QSOX1: variants seen among roughly 807,000 people sequenced by gnomAD.
QSOX1 encodes sulfhydryl oxidase 1.
In QSOX1, 40 loss-of-function variants were observed where a neutral mutation model predicts 76.1. The observed-to-expected ratio is 0.53, with a 90% CI of 0.41 to 0.68. The LOEUF (loss-of-function observed/expected upper bound fraction) is 0.68, where lower values mean the gene tolerates loss of function less well. Among genes scored for constraint, QSOX1 ranks in the 30% least tolerant of loss-of-function variants. The pLI is 0.00. For synonymous variants in QSOX1, 392 were observed against 413.1 expected, an observed-to-expected ratio of 0.95 and a Z score of 0.62; for missense variants, 931 against 974.3, an observed-to-expected ratio of 0.96 and a Z score of 0.59.
intron 10 of QSOX1, among the ~76,000 whole-genome samples, chr1:180,192,828 G>A (rs1191812218): frequency 6.6e-6 from 1 of 152,170 alleles, no homozygotes; most frequent in African/African-American, 2.4e-5. Context: ...CAAGCTGTGG[G>A]ACTGGATGAG....
chr1:180,155,750 T>TAG (rs767524851), intron 1 of QSOX1, among the ~76,000 whole-genome samples: 4 of 152,218 alleles, frequency 2.6e-5, no homozygotes, highest in African/African-American at 9.6e-5. Context: ...ACCTGGCAGT[T>TAG]TTCCTATCTC....
At chr1:180,165,559 C>T (rs1159519923) in intron 1 of QSOX1, among the ~76,000 whole-genome samples, 1 of 152,274 alleles carries the variant, frequency 6.6e-6, no homozygotes, top group Non-Finnish European at 1.5e-5. Context: ...TCCACCTTTC[C>T]TGCTGAGCCC....
Position 180,197,553 on chromosome 1 carries a change from C to T in QSOX1, c.*516C>T. The T allele has an allele frequency of 1.8e-5, 12 of 680,288 alleles. No individual in the cohort carries two copies. Among genetic ancestry groups the T allele is most frequent in the Non-Finnish European group, 2.7e-5 (11 of 410,946 alleles). The allele number at this position is 680,288 out of a possible 1,614,324, so 42.1% of individuals were successfully genotyped here. A position where few individuals can be genotyped will look rare whatever the true frequency, so the allele number is the denominator to read the frequency against. On this transcript the variant is annotated 3_prime_UTR_variant, in exon 12 of 12. Coordinates refer to ENST00000367602, the MANE Select transcript of QSOX1 (RefSeq NM_002826.5). The stretch of plus-strand genomic sequence containing the variant: ...AAGGACCACCCCGGGCCCTCTATGC[C>T]TGGCCAGCCTCCAGCTCCTCAGACC...
chr1:180,155,834 G>T (rs61429245), intron 1 of QSOX1, among the ~76,000 whole-genome samples: 5 of 152,020 alleles, frequency 3.3e-5, no homozygotes, highest in Non-Finnish European at 7.4e-5. Flanking sequence ...CTCTTCCCCC[G>T]CTCAGACCCT....
chr1:180,196,475 C>T lies in QSOX1; in HGVS notation c.1682C>T (p.Ala561Val). The change falls in exon 12 of 12, where the codon GCC becomes GTC. Residue 561 changes from alanine (A) to valine (V), a missense_variant. Transcript: ENST00000367602. The surrounding 1 kb of genome is among the most constrained non-coding windows in gnomAD (Gnocchi z 4.1). ...ARRDVQNVAA[A>V]PELAMGALEL... ...AGGGATGTGCAGAATGTGGCAGCCG[C>T]CCCAGAGCTGGCGATGGGAGCCCTG... 6.2e-7 allele frequency: 1 copy of T among 1,613,970 alleles called. No individual in the cohort carries two copies.
intron 9 of QSOX1, 126 bp downstream of exon 9, chr1:180,189,800 C>CCTCGAAGATCA: frequency 9.2e-7 from 1 of 1,083,602 alleles, no homozygotes; most frequent in South Asian, 1.6e-5. Context: ...TTCGTTGGGT[C>CCTCGAAGATCA]CTAACAATAA....
chr1:180,196,810 C>T lies in QSOX1; in HGVS notation c.2017C>T (p.Arg673Cys), dbSNP rs772379731. 13 of 1,612,284 alleles carry T rather than the reference C, an allele frequency of 8.1e-6. No homozygotes were observed. Among genetic ancestry groups the T allele is most frequent in the Non-Finnish European group, 8.5e-7 (1 of 1,178,728 alleles). Residue 673 changes from arginine (R) to cysteine (C), a missense_variant, in exon 12 of 12, where the codon CGC becomes TGC. By Grantham distance (180) the Arg-to-Cys change is radical. Transcript: ENST00000367602. This position sits in a 1 kb window ranked among gnomAD's most constrained non-coding sequence, Gnocchi z 4.1. ...WGPLEVRRVG[R>C]SSKQLVDIPE... is the part of the protein sequence containing the mutation. The stretch of plus-strand genomic sequence containing the variant: ...CCCTTTGGAGGTCAGGCGCGTGGGC[C>T]GCAGCTCCAAGCAGCTGGTCGACAT...
intron 10 of QSOX1, among the ~76,000 whole-genome samples, chr1:180,192,854 G>GTA (rs1395539500): frequency 2.4e-4 from 37 of 152,280 alleles, no homozygotes; most frequent in African/African-American, 8.7e-4. Flanking sequence ...TGGCAGGGAG[G>GTA]TAGAGAAGAG....
chr1:180,197,338 T>G lies in QSOX1; in HGVS notation c.*301T>G, dbSNP rs764299695. 4 of 1,614,018 alleles carry G rather than the reference T, an allele frequency of 2.5e-6. No homozygotes were observed. In the East Asian group the frequency reaches 8.9e-5, roughly 36 times the overall value. ...ACCACATTCCTGTTTTTCAGCTTAT[T>G]TGAAGTCCTGCCTCATTCTCACTGG... is the stretch of plus-strand genomic sequence containing the variant. On this transcript the variant is annotated 3_prime_UTR_variant, in exon 12 of 12. Transcript: ENST00000367602.
In QSOX1 at chr1:180,182,167, C is replaced by T; in HGVS notation, c.607-7C>T. ...CCTGGCCCCCAGATGTTCTGCTGTC[C>T]CTGCAGGTGGCTCTGGACCTGTCCC... On this transcript the variant is annotated splice_region_variant and splice_polypyrimidine_tract_variant and intron_variant, in intron 5 of 11. Coordinates refer to ENST00000367602, the MANE Select transcript of QSOX1 (RefSeq NM_002826.5). 4 of 1,613,846 alleles carry T rather than the reference C, an allele frequency of 2.5e-6. No homozygotes were observed. Among genetic ancestry groups the T allele is most frequent in the Non-Finnish European group, 2.5e-6 (3 of 1,179,774 alleles).
In QSOX1 at chr1:180,190,547, G is replaced by A; in HGVS notation, c.1255G>A (p.Ala419Thr). The change falls in exon 10 of 12, where the codon GCT becomes ACT. Residue 419 changes from alanine (A) to threonine (T), a missense_variant. Coordinates refer to ENST00000367602, the MANE Select transcript of QSOX1 (RefSeq NM_002826.5). ...CTTCCACTTCTTGACTGTGCAGGCAGCTCGGCAAAATGTAGACCACTCACA... is the reference window on the plus strand; with the variant it reads ...CTTCCACTTCTTGACTGTGCAGGCAACTCGGCAAAATGTAGACCACTCACA... Reference protein sequence around the residue: ...VLFHFLTVQAARQNVDHSQEA... With the variant: ...VLFHFLTVQATRQNVDHSQEA... The A allele has an allele frequency of 6.2e-7, 1 of 1,614,148 alleles. No homozygotes were observed. Among genetic ancestry groups the A allele is most frequent in the Middle Eastern group, 1.7e-4 (1 of 6,060 alleles).
rs368869048 is a variant in QSOX1, at chr1:180,196,531, C to T, written c.1738C>T (p.Pro580Ser). 3.1e-6 allele frequency: 5 copies of T among 1,614,022 alleles called. No individual in the cohort carries two copies. The highest frequency in any genetic ancestry group is 3.3e-5 in the Admixed American group (2 of 59,996). ...GGAAAGCCGGAATTCAACTCTGGAC[C>T]CTGGGAAGCCTGAGATGATGAAGTC... ...ELESRNSTLD[P>S]GKPEMMKSPT... Residue 580 changes from proline (P) to serine (S), a missense_variant, in exon 12 of 12, where the codon CCT (proline) becomes TCT (serine). Physicochemically the swap from Pro to Ser is moderately conservative, Grantham distance 74 (BLOSUM62 -1). Coordinates refer to ENST00000367602, the MANE Select transcript of QSOX1 (RefSeq NM_002826.5). This position sits in a 1 kb window ranked among gnomAD's most constrained non-coding sequence, Gnocchi z 4.1.
At chr1:180,187,704 G>A (rs1289920831) in intron 8 of QSOX1, among the ~76,000 whole-genome samples, 1 of 152,262 alleles carries the variant, frequency 6.6e-6, no homozygotes, top group Non-Finnish European at 1.5e-5. Context: ...CTTCAGCAAG[G>A]GCTGGGAATG....
At chr1:180,195,722 G>A (rs763807812) in intron 11 of QSOX1, among the ~76,000 whole-genome samples, 6 of 152,214 alleles carry the variant, frequency 3.9e-5, no homozygotes, top group Non-Finnish European at 7.3e-5. Flanking sequence ...CTGCTGCTGG[G>A]TAAAAGCAAG....
In QSOX1 at chr1:180,154,998, C is replaced by T. The variant is rs1270799822; in HGVS notation, c.91C>T (p.Pro31Ser). 8.6e-6 allele frequency: 13 copies of T among 1,510,220 alleles called. No homozygotes were observed. The highest frequency in any genetic ancestry group is 1.1e-5 in the Non-Finnish European group (12 of 1,136,872). The allele number at this position is 1,510,220 out of a possible 1,614,324, so 93.6% of individuals were successfully genotyped here. A position where few individuals can be genotyped will look rare whatever the true frequency, so the allele number is the denominator to read the frequency against. The change falls in exon 1 of 12, where the codon CCG becomes TCG. Residue 31 changes from proline (P) to serine (S), a missense_variant. Coordinates refer to ENST00000367602, the MANE Select transcript of QSOX1 (RefSeq NM_002826.5). The part of the protein sequence containing the change: ...LLAVPGANAA[P>S]RSALYSPSDP... ...CGCGGTTCCCGGCGCTAACGCGGCC[C>T]CGCGGTCGGCGCTCTATTCGCCTTC...
intron 7 of QSOX1, among the ~76,000 whole-genome samples, chr1:180,184,934 T>C (rs1318416835): frequency 6.6e-6 from 1 of 152,180 alleles, no homozygotes; most frequent in African/African-American, 2.4e-5. Flanking sequence ...TTATGAATGA[T>C]CATCATAATC....
chr1:180,174,592 G>C (rs942481082), intron 2 of QSOX1, among the ~76,000 whole-genome samples: 1 of 152,188 alleles, frequency 6.6e-6, no homozygotes, highest in Non-Finnish European at 1.5e-5. Flanking sequence ...CCCAAGGGAC[G>C]TAGGAAGTGC....
At chr1:180,177,244 G>C (rs893218257) in intron 4 of QSOX1, among the ~76,000 whole-genome samples, 3 of 132,054 alleles carry the variant, frequency 2.3e-5, no homozygotes, top group Non-Finnish European at 4.7e-5. Flanking sequence ...GTCTCTCAAA[G>C]TGATCCTTTT....
At chr1:180,179,576 C>G (rs1215605883) in intron 5 of QSOX1, among the ~76,000 whole-genome samples, 1 of 152,266 alleles carries the variant, frequency 6.6e-6, no homozygotes, top group African/African-American at 2.4e-5. Context: ...TCGCCTAATG[C>G]AGAGAGCTCA....
Sources: allele counts gnomAD v4.1 joint callset (sites outside exome capture counted in the v4.1 genomes callset), GRCh38; gene constraint gnomAD v4.1.1; non-coding constraint Gnocchi (gnomAD v3.1); transcripts MANE v1.5; gene names NCBI Gene and HGNC (gene_info 2026-07-23, HGNC 2026-07-21).